TP63: variants seen among roughly 807,000 people sequenced by gnomAD.
TP63 encodes the protein tumor protein 63.
In TP63, 17 loss-of-function variants were observed where a neutral mutation model predicts 82.8. The observed-to-expected ratio is 0.21, with a 90% CI of 0.14 to 0.31. The LOEUF (loss-of-function observed/expected upper bound fraction) is 0.31, where lower values mean the gene tolerates loss of function less well. Ranked by LOEUF, TP63 falls within the 10% of genes least tolerant of loss-of-function variation. The pLI, the probability that TP63 is intolerant of heterozygous loss-of-function variation, is 1.00. For synonymous variants in TP63, 330 were observed against 321.7 expected (o/e 1.03, Z -0.28); for missense variants, 648 against 895.3 (o/e 0.72, Z 3.52).
intron 3 of TP63, among the ~76,000 whole-genome samples, chr3:189,758,958 A>G (rs1030096170): frequency 1.3e-5 from 2 of 152,188 alleles, no homozygotes; most frequent in Admixed American, 6.5e-5. Context: ...AGAAAACTTT[A>G]TTTTACTTGC....
At chr3:189,808,594 G>A (rs1404183981) in intron 4 of TP63, 68 bp downstream of exon 4, 5 of 1,605,798 alleles carry the variant, frequency 3.1e-6, no homozygotes, top group African/African-American at 1.3e-5. Flanking sequence ...ACGTCCCAGG[G>A]ATTTCTCCCC....
chr3:189,703,363 T>C (rs576569893), intron 1 of TP63, among the ~76,000 whole-genome samples: 64 of 151,824 alleles, frequency 4.2e-4, no homozygotes, highest in Non-Finnish European at 8.5e-4. Flanking sequence ...GAGGTGGAGA[T>C]TGTAGTGAGC....
At chr3:189,615,960 G>A in the TP63 span, among the ~76,000 whole-genome samples, 3 of 152,144 alleles carry the variant, frequency 2.0e-5, no homozygotes, top group African/African-American at 4.8e-5. Context: ...GTTAAGACCC[G>A]ATCTGGCACT....
At chr3:189,662,827 G>GATATAT (rs1170634673) in intron 1 of TP63, among the ~76,000 whole-genome samples, 1 of 151,888 alleles carries the variant, frequency 6.6e-6, no homozygotes, top group Non-Finnish European at 1.5e-5. Flanking sequence ...AACATTTGTG[G>GATATAT]ATATATGTTA....
chr3:189,853,237 T>C (rs1290356274), intron 4 of TP63, among the ~76,000 whole-genome samples: 2 of 152,154 alleles, frequency 1.3e-5, no homozygotes, highest in African/African-American at 4.8e-5. Flanking sequence ...ACAGCTACAG[T>C]AGTCTTATAG....
chr3:189,896,104 A>G lies in TP63; in HGVS notation c.*1602A>G, dbSNP rs1158220781. On this transcript the variant is annotated 3_prime_UTR_variant, in exon 14 of 14. Coordinates refer to ENST00000264731, the MANE Select transcript of TP63 (RefSeq NM_003722.5). ...TCAGAAATATAACACATTTTTTTGCATGCATGCAAATGAGCTCTGAAATCT... is the reference window on the plus strand; with the variant it reads ...TCAGAAATATAACACATTTTTTTGCGTGCATGCAAATGAGCTCTGAAATCT... 1 of 222,238 alleles carries G rather than the reference A, an allele frequency of 4.5e-6. No homozygotes were observed. The highest frequency in any genetic ancestry group is 9.0e-6 in the Non-Finnish European group (1 of 110,956). 13.8% of individuals were successfully genotyped at this position (222,238 alleles called of 1,614,324 possible).
chr3:189,885,969 C>T (rs571233279), intron 10 of TP63, among the ~76,000 whole-genome samples: 2 of 152,162 alleles, frequency 1.3e-5, no homozygotes, highest in Non-Finnish European at 2.9e-5. Flanking sequence ...AATGGAATGC[C>T]TTAGCTGCAG....
At chr3:189,763,617 A>C (rs907067014) in intron 3 of TP63, among the ~76,000 whole-genome samples, 46 of 152,172 alleles carry the variant, frequency 3.0e-4, no homozygotes, top group Admixed American at 2.6e-3. Flanking sequence ...AAAGCTCAGG[A>C]AATAGCCTGG....
intron 4 of TP63, among the ~76,000 whole-genome samples, chr3:189,846,934 G>A (rs1218260195): frequency 6.6e-6 from 1 of 151,782 alleles, no homozygotes; most frequent in Non-Finnish European, 1.5e-5. Context: ...ACCCACCTCG[G>A]CCTCCCAAAA....
intron 10 of TP63, chr3:189,880,119 A>G (rs781019507): frequency 2.5e-5 from 41 of 1,613,826 alleles, no homozygotes; most frequent in Non-Finnish European, 3.5e-5. Flanking sequence ...AGAAACTCCA[A>G]AACAATCTGA....
chr3:189,838,840 G>C (rs943601905), intron 4 of TP63, among the ~76,000 whole-genome samples: 1 of 151,792 alleles, frequency 6.6e-6, no homozygotes, highest in Non-Finnish European at 1.5e-5. Flanking sequence ...CAGCATATTG[G>C]TTTCCTGTAC....
intron 1 of TP63, among the ~76,000 whole-genome samples, chr3:189,729,558 AT>A (rs1361530081): frequency 1.3e-5 from 2 of 152,180 alleles, no homozygotes; most frequent in Non-Finnish European, 2.9e-5. Context: ...CTTGATAAGA[AT>A]TTTTGTTCAA....
chr3:189,878,472 T>C (rs1719500290), intron 10 of TP63, among the ~76,000 whole-genome samples: 1 of 148,638 alleles, frequency 6.7e-6, no homozygotes, highest in Non-Finnish European at 1.5e-5. Context: ...CACTGAAACA[T>C]TTGCCTCCTG....
At chr3:189,635,788 G>A (rs147513273) in intron 1 of TP63, among the ~76,000 whole-genome samples, 6 of 152,062 alleles carry the variant, frequency 3.9e-5, no homozygotes, top group African/African-American at 1.2e-4. Flanking sequence ...CCAGTATCAT[G>A]CTCTTTTTCC....
chr3:189,627,908 G>A (rs147558601), upstream of TP63, among the ~76,000 whole-genome samples: 30 of 152,208 alleles, frequency 2.0e-4, no homozygotes, highest in African/African-American at 7.2e-4. Context: ...AACTCTAAGA[G>A]GTCAAGTGTT....
At chr3:189,743,129 TTAA>T (rs1318898108) in intron 3 of TP63, among the ~76,000 whole-genome samples, 1 of 152,066 alleles carries the variant, frequency 6.6e-6, no homozygotes, top group Admixed American at 6.6e-5. Flanking sequence ...TATTCAAAAT[TTAA>T]TAAGAGAGAT....
chr3:189,874,489 C>T (rs970900164), intron 10 of TP63, among the ~76,000 whole-genome samples: 2 of 152,162 alleles, frequency 1.3e-5, no homozygotes, highest in Non-Finnish European at 2.9e-5. Flanking sequence ...ATTCTCTGTT[C>T]AAAGGACTCT....
intron 4 of TP63, among the ~76,000 whole-genome samples, chr3:189,840,580 G>T (rs1029447308): frequency 6.6e-6 from 1 of 151,694 alleles, no homozygotes; most frequent in Non-Finnish European, 1.5e-5. Flanking sequence ...GTTCACGGTG[G>T]CTGGGTGCGG....
At chr3:189,729,900 T>C (rs909216052) in intron 1 of TP63, among the ~76,000 whole-genome samples, 1 of 152,182 alleles carries the variant, frequency 6.6e-6, no homozygotes, top group Admixed American at 6.5e-5. Context: ...AGGTATTCTT[T>C]GGCATCCTCA....
Sources: allele counts gnomAD v4.1 joint callset (sites outside exome capture counted in the v4.1 genomes callset), GRCh38; gene constraint gnomAD v4.1.1; transcripts MANE v1.5; gene names NCBI Gene and HGNC (gene_info 2026-07-23, HGNC 2026-07-21).